TCF7L1: variants seen among roughly 807,000 people sequenced by gnomAD.
The protein encoded by TCF7L1 is transcription factor 7-like 1.
Under a neutral mutation model 63.7 loss-of-function variants are expected in TCF7L1, and 18 were observed. The ratio of observed to expected loss-of-function variants is 0.28; its 90% confidence interval spans 0.20 to 0.42. TCF7L1 has a LOEUF of 0.42. Ranked by LOEUF, TCF7L1 falls within the 10% of genes least tolerant of loss-of-function variation. The pLI is 1.00. For missense variants in TCF7L1, 654 were observed against 779.3 expected, an observed-to-expected ratio of 0.84 and a Z score of 1.91; for synonymous variants, 355 against 340.9, an observed-to-expected ratio of 1.04 and a Z score of -0.46.
chr2:85,178,300 A>G (rs1162390456), intron 3 of TCF7L1, among the ~76,000 whole-genome samples: 2 of 152,238 alleles, frequency 1.3e-5, no homozygotes, highest in African/African-American at 2.4e-5. Context: ...GCTTCCTTTC[A>G]TGGTGGTAAA....
At chr2:85,257,322 C>T (rs1680741487) in intron 3 of TCF7L1, among the ~76,000 whole-genome samples, 1 of 152,168 alleles carries the variant, frequency 6.6e-6, no homozygotes, top group African/African-American at 2.4e-5. Flanking sequence ...ATCCCTCCTT[C>T]CTGACCTACC....
chr2:85,294,048 T>C (rs573352561), intron 4 of TCF7L1, among the ~76,000 whole-genome samples: 8,730 of 139,816 alleles, frequency 0.062, 374 homozygotes, highest in African/African-American at 0.11. Context: ...TTTTTTTTTT[T>C]TTTTTTGAGA....
At chr2:85,213,721 G>A (rs1679625654) in intron 3 of TCF7L1, 1 of 152,198 alleles carries the variant, frequency 6.6e-6, no homozygotes. Context: ...TTTGGGTGAG[G>A]TCAAAACTCT....
At chr2:85,249,848 T>C (rs1680551278) in intron 3 of TCF7L1, among the ~76,000 whole-genome samples, 1 of 152,134 alleles carries the variant, frequency 6.6e-6, no homozygotes, top group African/African-American at 2.4e-5. Flanking sequence ...ATGAGCAAGG[T>C]TTTGCCATTC....
rs191475015 is a variant in TCF7L1, at chr2:85,276,530, G to A, written c.442-6965G>A. On this transcript the variant is annotated intron_variant, in intron 3 of 11. Coordinates refer to ENST00000282111, the MANE Select transcript of TCF7L1 (RefSeq NM_031283.3). ...TTATAAATGAAAAATGTGAAGAAGC[G>A]ATCCGTGTCTCCCCGTCTCCATTCT... is the stretch of plus-strand genomic sequence containing the variant. 1.7e-3 allele frequency among the ~76,000 whole-genome samples: 257 copies of A among 152,202 alleles called. 1 individual carries two copies. The highest frequency in any genetic ancestry group is 2.8e-3 in the Non-Finnish European group (192 of 68,022).
chr2:85,156,585 G>A (rs1678152209), intron 3 of TCF7L1, among the ~76,000 whole-genome samples: 1 of 152,150 alleles, frequency 6.6e-6, no homozygotes. Flanking sequence ...CAGTCTTTAC[G>A]AGCACAGTAA....
rs560680218 is a variant in TCF7L1, at chr2:85,143,108, T to C, written c.441+8658T>C. 2.0e-5 allele frequency among the ~76,000 whole-genome samples: 3 copies of C among 152,280 alleles called. No homozygotes were observed. In the East Asian group the frequency reaches 5.8e-4, roughly 29 times the overall value. The stretch of plus-strand genomic sequence containing the variant: ...AGGCAATAGCTCTAATTATCTGGGG[T>C]CCTCAGGACAGGAAATGAGCTCACA... On this transcript the variant is annotated intron_variant, in intron 3 of 11. Transcript: ENST00000282111.
intron 3 of TCF7L1, among the ~76,000 whole-genome samples, chr2:85,235,702 A>G (rs189629022): frequency 8.3e-4 from 127 of 152,258 alleles, no homozygotes; most frequent in African/African-American, 2.9e-3. Context: ...CTTTTTAGCA[A>G]TGACATAAAT....
At chr2:85,179,458 A>G (rs964084695) in intron 3 of TCF7L1, among the ~76,000 whole-genome samples, 12 of 152,228 alleles carry the variant, frequency 7.9e-5, no homozygotes, top group African/African-American at 2.7e-4. Context: ...TGCTGGTCCC[A>G]GATGGGACTC....
At position 85,294,316 on chromosome 2, in the gene TCF7L1, G is replaced by C. The variant is rs142249723; in HGVS notation, c.526-8168G>C. ...CTCCCAAAGTGCTGGGATTACAGGC[G>C]TGAGCCACCACGCCTGGCCGAGCAT... On this transcript the variant is annotated intron_variant, in intron 4 of 11. Transcript: ENST00000282111. Among the ~76,000 whole-genome samples, 704 of 152,098 alleles carry C rather than the reference G, an allele frequency of 4.6e-3. 9 individuals carry two copies. Among genetic ancestry groups the C allele is most frequent in the African/African-American group, 0.016 (647 of 41,470 alleles).
chr2:85,238,777 TTTTATTTATTTATTTA>T lies in TCF7L1; in HGVS notation c.442-44678_442-44663del, dbSNP rs200688175. 5.5e-3 allele frequency among the ~76,000 whole-genome samples: 762 copies of T among 139,444 alleles called. 4 individuals are homozygous for T. The highest frequency in any genetic ancestry group is 8.8e-3 in the East Asian group (41 of 4,638). The allele number at this position is 139,444 out of a possible 152,430, so 91.5% of individuals were successfully genotyped here. A position where few individuals can be genotyped will look rare whatever the true frequency, so the allele number is the denominator to read the frequency against. On this transcript the variant is annotated intron_variant, in intron 3 of 11. Transcript: ENST00000282111. ...GGACAGGGAACAATCTTTTGGAGCA[TTTTATTTATTTATTTA>T]TTTATTTATTTATTTATTTATTTAT...
At chr2:85,283,806 C>A (rs1480657702) in intron 4 of TCF7L1, among the ~76,000 whole-genome samples, 1 of 152,186 alleles carries the variant, frequency 6.6e-6, no homozygotes, top group Non-Finnish European at 1.5e-5. Context: ...CGTCCCCCAA[C>A]CCCCATGGCC....
rs574440590 is a variant in TCF7L1, at chr2:85,284,512, A to G, written c.525+934A>G. On this transcript the variant is annotated intron_variant, in intron 4 of 11. Transcript: ENST00000282111. Reference sequence around the variant, plus strand: ...TCCTCAGGACATGCAAAGGACTGAAACCCAAAGCTGATAAGAGATGCTCCT... The same window carrying G: ...TCCTCAGGACATGCAAAGGACTGAAGCCCAAAGCTGATAAGAGATGCTCCT... 2.0e-5 allele frequency among the ~76,000 whole-genome samples: 3 copies of G among 152,290 alleles called. No homozygotes were observed. In the East Asian group the frequency reaches 5.8e-4, roughly 29 times the overall value.
chr2:85,165,528 G>A (rs1253901486), intron 3 of TCF7L1, among the ~76,000 whole-genome samples: 1 of 152,132 alleles, frequency 6.6e-6, no homozygotes, highest in Admixed American at 6.5e-5. Flanking sequence ...TGACCTTCTG[G>A]GTCACTCTGG....
intron 5 of TCF7L1, 57 bp from the exon 6 acceptor site, chr2:85,303,838 G>A (rs1051732685): frequency 3.1e-5 from 42 of 1,362,834 alleles, no homozygotes; most frequent in East Asian, 2.3e-5. Flanking sequence ...TTTGATGTTC[G>A]TTAAGGTGCT....
chr2:85,189,967 G>T (rs1257572663), intron 3 of TCF7L1, among the ~76,000 whole-genome samples: 1 of 152,240 alleles, frequency 6.6e-6, no homozygotes, highest in African/African-American at 2.4e-5. Flanking sequence ...GAAGGGAGGG[G>T]TGGGAATACC....
intron 4 of TCF7L1, among the ~76,000 whole-genome samples, chr2:85,287,810 G>A (rs139130754): frequency 6.3e-4 from 96 of 152,224 alleles, no homozygotes; most frequent in African/African-American, 2.1e-3. Context: ...GAGACACCCG[G>A]GGAGGAGGGT....
chr2:85,195,129 AAACCTTGT>A (rs1047592534), intron 3 of TCF7L1, among the ~76,000 whole-genome samples: 2 of 152,218 alleles, frequency 1.3e-5, no homozygotes, highest in Non-Finnish European at 2.9e-5. Flanking sequence ...CACTACCTAC[AAACCTTGT>A]AACCTTGAGC....
At chr2:85,156,686 C>G (rs1450959427) in intron 3 of TCF7L1, among the ~76,000 whole-genome samples, 1 of 152,206 alleles carries the variant, frequency 6.6e-6, no homozygotes, top group Non-Finnish European at 1.5e-5. Context: ...TTCAAGGCCT[C>G]TGTACACAGA....
Sources: gnomAD v4.1 joint callset for allele counts (sites outside exome capture counted in the v4.1 genomes callset) on GRCh38, gnomAD v4.1.1 for gene constraint, MANE v1.5 for transcripts, NCBI Gene and HGNC (gene_info 2026-07-23, HGNC 2026-07-21) for gene names.